Variants in KANK1 observed in about 807,000 individuals in gnomAD.
KANK1 encodes KN motif and ankyrin repeat domain-containing protein 1.
A neutral mutation model predicts 106.2 loss-of-function variants in KANK1; 109 were observed. That is an observed-to-expected ratio of 1.03 (90% CI 0.88 to 1.20). KANK1 has a LOEUF of 1.20. KANK1 is among the 50% of genes most tolerant of loss of function. The pLI is 0.00. For synonymous variants in KANK1, 873 were observed against 652.2 expected (o/e 1.34, Z -5.16); for missense variants, 2,399 against 1,710.7 (o/e 1.40, Z -7.10).
intron 1 of KANK1, among the ~76,000 whole-genome samples, chr9:571,930 C>T (rs949083455): frequency 6.6e-6 from 1 of 152,146 alleles, no homozygotes; most frequent in African/African-American, 2.4e-5. Context: ...CCAAGTTCAC[C>T]AGGTGATAGT....
chr9:638,236 G>C (rs1427782437), intron 1 of KANK1, among the ~76,000 whole-genome samples: 1 of 152,156 alleles, frequency 6.6e-6, no homozygotes, highest in East Asian at 1.9e-4. Context: ...GGCATATAAA[G>C]AAATTTATTT....
At chr9:533,177 C>G (rs899738668) in intron 1 of KANK1, among the ~76,000 whole-genome samples, 3 of 152,150 alleles carry the variant, frequency 2.0e-5, no homozygotes, top group Non-Finnish European at 2.9e-5. Flanking sequence ...AGGAGATAAT[C>G]ATTAATTTTT....
At chr9:650,663 G>A (rs758907150) in intron 1 of KANK1, among the ~76,000 whole-genome samples, 13 of 152,142 alleles carry the variant, frequency 8.5e-5, no homozygotes, top group Non-Finnish European at 1.6e-4. Context: ...GGCAGGAGGA[G>A]CTGTGTTTTA....
intron 1 of KANK1, among the ~76,000 whole-genome samples, chr9:633,694 C>T (rs1836373787): frequency 6.6e-6 from 1 of 152,094 alleles, no homozygotes; most frequent in African/African-American, 2.4e-5. Flanking sequence ...GCTTTGTCAC[C>T]CAGGCTAGTG....
chr9:607,095 G>C (rs929348326), intron 1 of KANK1, among the ~76,000 whole-genome samples: 5 of 151,804 alleles, frequency 3.3e-5, no homozygotes, highest in Non-Finnish European at 7.4e-5. Flanking sequence ...AATTAATACA[G>C]TGTCACTCTC....
At chr9:698,941 A>C (rs1476190813) in intron 2 of KANK1, among the ~76,000 whole-genome samples, 1 of 152,168 alleles carries the variant, frequency 6.6e-6, no homozygotes, top group Non-Finnish European at 1.5e-5. Flanking sequence ...TATGATGCAA[A>C]AACTTGATCC....
chr9:602,143 G>A (rs1341833414), intron 1 of KANK1, among the ~76,000 whole-genome samples: 1 of 151,900 alleles, frequency 6.6e-6, no homozygotes, highest in African/African-American at 2.4e-5. Flanking sequence ...ACTTTTTGTG[G>A]AAAAATACTT....
At chr9:565,894 A>G (rs550720019) in intron 1 of KANK1, among the ~76,000 whole-genome samples, 4 of 152,320 alleles carry the variant, frequency 2.6e-5, no homozygotes, top group Admixed American at 1.3e-4. Flanking sequence ...TCAGGGGTGC[A>G]TGTGCAGGTT....
chr9:718,272 C>G (rs1317573087), intron 3 of KANK1, among the ~76,000 whole-genome samples: 1 of 140,780 alleles, frequency 7.1e-6, no homozygotes, highest in African/African-American at 2.6e-5. Context: ...ACCTCTCATA[C>G]TGGCTGTGTA....
intron 1 of KANK1, among the ~76,000 whole-genome samples, chr9:640,689 G>T (rs1311134011): frequency 6.7e-6 from 1 of 150,240 alleles, no homozygotes; most frequent in African/African-American, 2.5e-5. Flanking sequence ...GAGCCACCAC[G>T]CCCGGCCTAA....
chr9:718,952 C>CG (rs1828525797), intron 3 of KANK1, among the ~76,000 whole-genome samples: 2 of 116,726 alleles, frequency 1.7e-5, no homozygotes, highest in Non-Finnish European at 3.8e-5. Flanking sequence ...ATGCTCGAGC[C>CG]CTTTTTTTTT....
chr9:713,692 A>T (rs1294672405), intron 3 of KANK1, among the ~76,000 whole-genome samples: 1 of 152,186 alleles, frequency 6.6e-6, no homozygotes, highest in Admixed American at 6.5e-5. Flanking sequence ...CTAACGCTGG[A>T]AGAAAAGTAA....
upstream of KANK1, among the ~76,000 whole-genome samples, chr9:502,998 C>A (rs1022025499): frequency 5.2e-4 from 67 of 129,612 alleles, no homozygotes; most frequent in African/African-American, 2.1e-3. Flanking sequence ...TCGCGCCCAG[C>A]TGATTTTTTT....
In KANK1 at chr9:740,581, T is replaced by C. The variant is rs547967843; in HGVS notation, c.3554-211T>C. 3.9e-5 allele frequency among the ~76,000 whole-genome samples: 6 copies of C among 152,268 alleles called. No individual in the cohort carries two copies. In the South Asian group the frequency reaches 1.2e-3, roughly 32 times the overall value. On this transcript the variant is annotated intron_variant, in intron 8 of 11. Coordinates refer to ENST00000382297, the MANE Select transcript of KANK1 (RefSeq NM_015158.5). ...CTGTGGAAGCTTACCGTTGTTTCTC[T>C]TGCTTCAGGTGTCGTGAAATAGGGG...
chr9:703,994 G>A (rs987715445), intron 2 of KANK1, among the ~76,000 whole-genome samples: 6 of 152,194 alleles, frequency 3.9e-5, no homozygotes, highest in African/African-American at 1.4e-4. Context: ...GATTACAGGC[G>A]TGAGCCACTG....
chr9:742,897 C>A (rs760922502), intron 10 of KANK1, among the ~76,000 whole-genome samples: 2 of 152,204 alleles, frequency 1.3e-5, no homozygotes, highest in Non-Finnish European at 2.9e-5. Flanking sequence ...TATGCCAGAG[C>A]CTGCAGAGTA....
chr9:640,921 C>A (rs1272256967), intron 1 of KANK1, among the ~76,000 whole-genome samples: 3 of 152,054 alleles, frequency 2.0e-5, no homozygotes, highest in Non-Finnish European at 4.4e-5. Context: ...TGGTCTCGAT[C>A]TCCTGACCTT....
chr9:609,822 T>C (rs1408775756), intron 1 of KANK1, among the ~76,000 whole-genome samples: 1 of 152,160 alleles, frequency 6.6e-6, no homozygotes, highest in Non-Finnish European at 1.5e-5. Flanking sequence ...CTCAGGCTAC[T>C]TTCTAGTAAG....
At chr9:723,669 AT>A (rs1265162258) in intron 3 of KANK1, among the ~76,000 whole-genome samples, 1 of 151,976 alleles carries the variant, frequency 6.6e-6, no homozygotes, top group Admixed American at 6.6e-5. Flanking sequence ...TTGTGTTTGA[AT>A]TTTTTAAAAA....
Sources: gnomAD v4.1 joint callset for allele counts (sites outside exome capture counted in the v4.1 genomes callset) on GRCh38, gnomAD v4.1.1 for gene constraint, MANE v1.5 for transcripts, NCBI Gene and HGNC (gene_info 2026-07-23, HGNC 2026-07-21) for gene names.